Variants in CDKAL1 observed in about 807,000 individuals in gnomAD.
CDKAL1 encodes the protein CDKAL1 threonylcarbamoyladenosine tRNA methylthiotransferase.
A neutral mutation model predicts 68.2 loss-of-function variants in CDKAL1; 32 were observed. That is an observed-to-expected ratio of 0.47 (90% CI 0.35 to 0.63). The LOEUF is 0.63. Ranked by LOEUF, CDKAL1 falls within the 30% of genes least tolerant of loss-of-function variation. CDKAL1 has a pLI of 0.00. For missense variants in CDKAL1, 606 were observed against 696.7 expected, an observed-to-expected ratio of 0.87 and a Z score of 1.47; for synonymous variants, 234 against 244.3, an observed-to-expected ratio of 0.96 and a Z score of 0.39.
intron 5 of CDKAL1, among the ~76,000 whole-genome samples, chr6:20,666,076 A>G (rs1769528280): frequency 6.6e-6 from 1 of 152,142 alleles, no homozygotes; most frequent in Non-Finnish European, 1.5e-5. Flanking sequence ...GTGAAGGTAT[A>G]TATGACATTA....
chr6:20,726,022 T>G (rs1200249009), intron 5 of CDKAL1, among the ~76,000 whole-genome samples: 1 of 152,110 alleles, frequency 6.6e-6, no homozygotes, highest in African/African-American at 2.4e-5. Flanking sequence ...AAATACGTTT[T>G]TTTTTCTTCC....
intron 10 of CDKAL1, among the ~76,000 whole-genome samples, chr6:20,990,049 C>T (rs1365650861): frequency 6.6e-6 from 1 of 152,096 alleles, no homozygotes; most frequent in East Asian, 1.9e-4. Flanking sequence ...TCGAGACCAG[C>T]CTGGCCAACG....
chr6:21,223,182 G>T (rs16884713), intron 15 of CDKAL1, among the ~76,000 whole-genome samples: 10,960 of 152,218 alleles, frequency 0.072, 1,126 homozygotes, highest in African/African-American at 0.23. Context: ...GATAGTCATT[G>T]TAATAACTAT....
At chr6:21,182,542 G>A (rs774241886) in intron 13 of CDKAL1, among the ~76,000 whole-genome samples, 2 of 152,166 alleles carry the variant, frequency 1.3e-5, no homozygotes, top group African/African-American at 4.8e-5. Context: ...CTATATGTGT[G>A]TATGGTTCTT....
At chr6:20,803,412 A>C (rs926205743) in intron 8 of CDKAL1, among the ~76,000 whole-genome samples, 1 of 152,188 alleles carries the variant, frequency 6.6e-6, no homozygotes, top group African/African-American at 2.4e-5. Context: ...ACTTTGTCAA[A>C]TATCGCCTTT....
At chr6:20,873,060 G>C (rs1395739733) in intron 9 of CDKAL1, among the ~76,000 whole-genome samples, 1 of 152,176 alleles carries the variant, frequency 6.6e-6, no homozygotes, top group Admixed American at 6.5e-5. Context: ...AAATACAGCT[G>C]CCCGTTCCAA....
chr6:20,996,198 G>C (rs899252561), intron 10 of CDKAL1, among the ~76,000 whole-genome samples: 1 of 152,226 alleles, frequency 6.6e-6, no homozygotes, highest in Non-Finnish European at 1.5e-5. Flanking sequence ...CATCTATCCA[G>C]ACGACTGAAA....
At chr6:20,732,263 CTTTTTTTT>C (rs56911987) in intron 5 of CDKAL1, among the ~76,000 whole-genome samples, 27 of 83,468 alleles carry the variant, frequency 3.2e-4, no homozygotes, top group African/African-American at 6.8e-4. Context: ...TTCTTTCTTT[CTTTTTTTT>C]TTTTTTTTTT....
intron 9 of CDKAL1, among the ~76,000 whole-genome samples, chr6:20,882,946 T>C (rs912052221): frequency 7.9e-5 from 12 of 152,226 alleles, no homozygotes; most frequent in African/African-American, 2.9e-4. Context: ...ATTTTTTGAT[T>C]TACATTTCAT....
At chr6:20,837,052 A>G (rs1230118021) in intron 8 of CDKAL1, among the ~76,000 whole-genome samples, 2 of 152,210 alleles carry the variant, frequency 1.3e-5, no homozygotes, top group African/African-American at 4.8e-5. Flanking sequence ...AATTATTACA[A>G]TGTTGATTAA....
intron 10 of CDKAL1, among the ~76,000 whole-genome samples, chr6:20,996,707 A>G (rs1767132455): frequency 6.6e-6 from 1 of 152,252 alleles, no homozygotes; most frequent in African/African-American, 2.4e-5. Context: ...AAGAATTACC[A>G]AAATGTGACA....
At chr6:20,920,158 A>C (rs1373948454) in intron 9 of CDKAL1, among the ~76,000 whole-genome samples, 1 of 152,218 alleles carries the variant, frequency 6.6e-6, no homozygotes, top group Non-Finnish European at 1.5e-5. Context: ...ATGACTAAGT[A>C]GTTGAAAGAT....
Position 20,826,803 on chromosome 6 carries a change from G to A in CDKAL1, c.639-19272G>A, listed in dbSNP as rs76320653. On this transcript the variant is annotated intron_variant, in intron 8 of 15. Coordinates refer to ENST00000274695, the MANE Select transcript of CDKAL1 (RefSeq NM_017774.3). Reference sequence around the variant, plus strand: ...ACTTTTCATTTCCTTATAGATTTATGTATTTACTTTTTTGGTGAGCAAACT... The same window carrying A: ...ACTTTTCATTTCCTTATAGATTTATATATTTACTTTTTTGGTGAGCAAACT... 5.0e-3 allele frequency among the ~76,000 whole-genome samples: 758 copies of A among 152,096 alleles called. 5 individuals are homozygous for A. Among genetic ancestry groups the A allele is most frequent in the African/African-American group, 0.017 (695 of 41,512 alleles).
chr6:20,700,797 G>T (rs1478045923), intron 5 of CDKAL1, among the ~76,000 whole-genome samples: 1 of 150,792 alleles, frequency 6.6e-6, no homozygotes, highest in Non-Finnish European at 1.5e-5. Flanking sequence ...TAGTGTAGAT[G>T]CATTTTAAAA....
At chr6:21,072,698 A>AT (rs1771856007) in intron 12 of CDKAL1, among the ~76,000 whole-genome samples, 1 of 66,700 alleles carries the variant, frequency 1.5e-5, no homozygotes, top group Admixed American at 1.5e-4. Context: ...TTTTGTCTTT[A>AT]TTTTTTAAAG....
At chr6:20,698,339 T>C (rs964996961) in intron 5 of CDKAL1, among the ~76,000 whole-genome samples, 4 of 152,206 alleles carry the variant, frequency 2.6e-5, no homozygotes, top group Non-Finnish European at 5.9e-5. Context: ...CATCCTACAT[T>C]ATTATGCTAC....
At chr6:20,809,714 G>A (rs192605481) in intron 8 of CDKAL1, among the ~76,000 whole-genome samples, 38 of 152,214 alleles carry the variant, frequency 2.5e-4, no homozygotes, top group South Asian at 8.3e-4. Context: ...ATAAGTAAAC[G>A]TAGAAAGGAA....
In CDKAL1 at chr6:20,675,932, A is replaced by T. The variant is rs542090564; in HGVS notation, c.371+26555A>T. On this transcript the variant is annotated intron_variant, in intron 5 of 15. Coordinates refer to ENST00000274695, the MANE Select transcript of CDKAL1 (RefSeq NM_017774.3). ...AGTCTTCTAGTGGAGCAAGATGTGGAGGTGGAAGACAGGGATAGTGATGAT... is the reference window on the plus strand; with the variant it reads ...AGTCTTCTAGTGGAGCAAGATGTGGTGGTGGAAGACAGGGATAGTGATGAT... 2.0e-3 allele frequency among the ~76,000 whole-genome samples: 312 copies of T among 152,318 alleles called. 5 individuals are homozygous for T. Among genetic ancestry groups the T allele is most frequent in the Non-Finnish European group, 1.4e-3 (92 of 68,028 alleles).
chr6:20,883,800 A>G (rs1222404360), intron 9 of CDKAL1, among the ~76,000 whole-genome samples: 3 of 152,238 alleles, frequency 2.0e-5, no homozygotes, highest in African/African-American at 7.2e-5. Context: ...GTTTTACAAT[A>G]ACATGACAGG....
Sources: allele counts gnomAD v4.1 joint callset (sites outside exome capture counted in the v4.1 genomes callset), GRCh38; gene constraint gnomAD v4.1.1; transcripts MANE v1.5; gene names NCBI Gene and HGNC (gene_info 2026-07-23, HGNC 2026-07-21).